Variants in PZP observed in about 807,000 individuals in gnomAD.
The protein encoded by PZP is pregnancy zone protein.
PZP carries 150 observed loss-of-function variants against 179.8 expected under a neutral mutation model. That is an observed-to-expected ratio of 0.83 (90% CI 0.73 to 0.96). PZP has a LOEUF of 0.96. Among genes scored for constraint, PZP ranks in the 40% least tolerant of loss-of-function variants. The pLI is 0.00. For synonymous variants in PZP, 624 were observed against 652.3 expected, an observed-to-expected ratio of 0.96 and a Z score of 0.66; for missense variants, 1,689 against 1,764.0, an observed-to-expected ratio of 0.96 and a Z score of 0.76.
At chr12:9,154,577 A>C (rs770017369) in intron 29 of PZP, 39 bp downstream of exon 29, 4 of 1,579,874 alleles carry the variant, frequency 2.5e-6, no homozygotes, top group Non-Finnish European at 2.6e-6. Context: ...CCAATTGCCA[A>C]GTGAACCTGG....
rs35213971 is a variant in PZP at position 9,197,118 on chromosome 12, G to A, written c.761C>T (p.Thr254Ile). ...AAGTCCTGGGACAGGCTTCCCATAA[G>A]TGTATCTGGTACATGAGAAATAAAT... is the stretch of plus-strand genomic sequence containing the variant. Reference protein sequence around the residue: ...KVNITVCGEYTYGKPVPGLAT... With the variant: ...KVNITVCGEYIYGKPVPGLAT... The change falls in exon 8 of 36, where the codon ACT becomes ATT. Residue 254 changes from threonine to isoleucine, a missense_variant. Thr to Ile is a moderately conservative substitution (Grantham distance 89). Coordinates refer to ENST00000261336, the MANE Select transcript of PZP (RefSeq NM_002864.3). 2,949 of 1,596,632 alleles carry A rather than the reference G, an allele frequency of 1.8e-3. 58 individuals are homozygous for A. The African/African-American group carries it at 0.035, about 19-fold the overall frequency.
chr12:9,201,057 G>A lies in PZP; in HGVS notation c.505C>T (p.Pro169Ser). 1 of 1,613,704 alleles carries A rather than the reference G, an allele frequency of 6.2e-7. No homozygotes were observed. The highest frequency in any genetic ancestry group is 1.1e-5 in the South Asian group (1 of 91,000). Residue 169 changes from proline (P) to serine (S), a missense_variant, in exon 6 of 36, where the codon CCA (proline) becomes TCA (serine). By Grantham distance (74) the Pro-to-Ser change is moderately conservative (BLOSUM62 -1). This residue lies in a region of PZP where 742 missense variants were observed against 730.5 expected (regional missense o/e 1.02). Transcript: ENST00000261336. ...ELIPLIYLEN[P>S]RRNRIAQWQS... is the part of the protein sequence containing the mutation. Reference sequence around the variant, plus strand: ...CATTGTGCAATTCGATTTCTTCTTGGGTTCTGAAGGGAAACAAGAAACATG... The same window carrying A: ...CATTGTGCAATTCGATTTCTTCTTGAGTTCTGAAGGGAAACAAGAAACATG...
intron 33 of PZP, among the ~76,000 whole-genome samples, chr12:9,151,274 A>T (rs767026725): frequency 6.6e-6 from 1 of 152,100 alleles, no homozygotes; most frequent in African/African-American, 2.4e-5. Context: ...AGTCCTATTG[A>T]TTTATCACTT....
chr12:9,202,324 C>T lies in PZP; in HGVS notation c.475G>A (p.Glu159Lys). The change falls in exon 4 of 36, where the codon GAA becomes AAA. Residue 159 changes from glutamate (E) to lysine (K), a missense_variant. This residue lies in a region of PZP where 742 missense variants were observed against 730.5 expected (regional missense o/e 1.02). Transcript: ENST00000261336. ...CACAGATAGTGGATGCTTACCAGTTCATTTCGAGGGCGAAAATTTTCATCC... is the reference window on the plus strand; with the variant it reads ...CACAGATAGTGGATGCTTACCAGTTTATTTCGAGGGCGAAAATTTTCATCC... ...SVDENFRPRN[E>K]LIPLIYLENP... 1 of 1,613,692 alleles carries T rather than the reference C, an allele frequency of 6.2e-7. No individual in the cohort carries two copies. Among genetic ancestry groups the T allele is most frequent in the Non-Finnish European group, 8.5e-7 (1 of 1,179,586 alleles).
chr12:9,202,181 C>A (rs989746429), intron 4 of PZP, 138 bp downstream of exon 4: 4 of 751,764 alleles, frequency 5.3e-6, no homozygotes, highest in Admixed American at 2.7e-5. Flanking sequence ...TATAAGACTG[C>A]AAATCTGTGC....
At chr12:9,196,544 T>C in intron 9 of PZP, 27 bp downstream of exon 9, 1 of 1,578,454 alleles carries the variant, frequency 6.3e-7, no homozygotes, top group South Asian at 1.1e-5. Context: ...TATTGTTTTA[T>C]TTCCCATATT....
At chr12:9,144,139 G>C (rs1939880503), downstream of PZP, among the ~76,000 whole-genome samples, 1 of 152,114 alleles carries the variant, frequency 6.6e-6, no homozygotes, top group African/African-American at 2.4e-5. Flanking sequence ...TTGGCAAAGG[G>C]CCTCTTGAAC....
In PZP at chr12:9,196,690, G is replaced by A. The variant is rs1943794749; in HGVS notation, c.868-5C>T. 2 of 1,576,540 alleles carry A rather than the reference G, an allele frequency of 1.3e-6. No individual in the cohort carries two copies. On this transcript the variant is annotated splice_polypyrimidine_tract_variant and splice_region_variant and intron_variant, in intron 8 of 35. Transcript: ENST00000261336. Reference sequence around the variant, plus strand: ...GATGCAGCCATTGCTGTTAAGCTGAGAAAAATACCAAAACCAATAAATGTC... The same window carrying A: ...GATGCAGCCATTGCTGTTAAGCTGAAAAAAATACCAAAACCAATAAATGTC...
chr12:9,151,250 G>A (rs984831079), intron 33 of PZP, among the ~76,000 whole-genome samples: 2 of 152,082 alleles, frequency 1.3e-5, no homozygotes, highest in East Asian at 1.9e-4. Context: ...TAACAGGAAT[G>A]CATGATAACC....
chr12:9,195,701 C>G (rs540746751), intron 10 of PZP, among the ~76,000 whole-genome samples: 23 of 150,420 alleles, frequency 1.5e-4, no homozygotes, highest in African/African-American at 4.2e-4. Context: ...CGATCCTCCC[C>G]CCTTGGCCTC....
At chr12:9,158,715 C>A (rs1239946640) in intron 25 of PZP, 139 bp from the exon 26 acceptor site, 9 of 637,784 alleles carry the variant, frequency 1.4e-5, no homozygotes, top group Middle Eastern at 4.2e-4. Flanking sequence ...GAGACTTTTT[C>A]TTTTTAGCTT....
At chr12:9,194,565 C>T (rs144798077) in intron 10 of PZP, among the ~76,000 whole-genome samples, 50 of 151,128 alleles carry the variant, frequency 3.3e-4, no homozygotes, top group Non-Finnish European at 4.6e-4. Flanking sequence ...CCTGGACTCA[C>T]GCCATTCTCC....
chr12:9,180,632 A>G (rs1220275295), intron 15 of PZP, among the ~76,000 whole-genome samples: 1 of 152,162 alleles, frequency 6.6e-6, no homozygotes, highest in East Asian at 1.9e-4. Context: ...TTCCTTACAC[A>G]TTATACAAAA....
At chr12:9,183,462 CAATCATAGCTCACTGCAGCCTCGAATT>C (rs1942906086) in intron 13 of PZP, among the ~76,000 whole-genome samples, 1 of 152,044 alleles carries the variant, frequency 6.6e-6, no homozygotes. Context: ...TGCAGTGGTG[CAATCATAGCTCACTGCAGCCTCGAATT>C]TCTGGGCTCA....
chr12:9,200,276 G>C (rs1944077624), intron 7 of PZP, 88 bp downstream of exon 7: 1 of 853,840 alleles, frequency 1.2e-6, no homozygotes, highest in African/African-American at 1.7e-5. Context: ...AAAGTGCTGA[G>C]GCAAAGTAAA....
In PZP at chr12:9,153,032, G is replaced by A. The variant is rs182144607; in HGVS notation, c.3994-81C>T. On this transcript the variant is annotated intron_variant, in intron 30 of 35. Coordinates refer to ENST00000261336, the MANE Select transcript of PZP (RefSeq NM_002864.3). ...CTCATTACTTAACGTCTCCAGAGGT[G>A]CCTTTTACTTTCCCAGGAAGGAAGG... 8.1e-6 allele frequency: 13 copies of A among 1,604,166 alleles called. No individual in the cohort carries two copies. The African/African-American group carries it at 1.2e-4, about 15-fold the overall frequency.
chr12:9,150,343 C>T (rs1180685664), intron 34 of PZP, among the ~76,000 whole-genome samples: 1 of 152,128 alleles, frequency 6.6e-6, no homozygotes, highest in Admixed American at 6.5e-5. Context: ...AGTGCAATGG[C>T]GTGATCTCAG....
rs763965983 is a variant in PZP, at chr12:9,154,642, C to A, written c.3748G>T (p.Ala1250Ser). The change falls in exon 29 of 36, where the codon GCC (alanine) becomes TCC (serine). Residue 1250 changes from alanine to serine, a missense_variant. Around this residue, in one of 3 missense-constraint regions of PZP, gnomAD observed 746 missense variants for 749.2 expected, o/e 1.00. Coordinates refer to ENST00000261336, the MANE Select transcript of PZP (RefSeq NM_002864.3). ...IVKWIMKQQN[A>S]QGGFSSTQDT... ...TGGGTGGAGGAGAAACCACCTTGGG[C>A]GTTCTGCTGCTTCATGATCCACTTC... is the stretch of plus-strand genomic sequence containing the variant. 1.2e-5 allele frequency: 20 copies of A among 1,614,142 alleles called. No homozygotes were observed. Among genetic ancestry groups the A allele is most frequent in the Non-Finnish European group, 1.6e-5 (19 of 1,180,026 alleles).
intron 23 of PZP, 53 bp from the exon 24 acceptor site, chr12:9,160,543 A>G (rs1224053143): frequency 2.6e-6 from 4 of 1,530,712 alleles, no homozygotes; most frequent in Non-Finnish European, 3.6e-6. Context: ...ATAAATAGCC[A>G]ACATTATTAA....
Sources: gnomAD v4.1 joint callset for allele counts (sites outside exome capture counted in the v4.1 genomes callset) on GRCh38, gnomAD v4.1.1 for gene constraint, gnomAD v4.1.1 regional missense constraint, MANE v1.5 for transcripts, NCBI Gene and HGNC (gene_info 2026-07-23, HGNC 2026-07-21) for gene names.